PTK2: variants seen among roughly 807,000 people sequenced by gnomAD.
PTK2 encodes the protein protein tyrosine kinase 2, also known as focal adhesion kinase 1.
In PTK2, 45 loss-of-function variants were observed where a neutral mutation model predicts 150.1. That is an observed-to-expected ratio of 0.30 (90% CI 0.24 to 0.38). PTK2 has a LOEUF of 0.38. PTK2 is among the 10% of genes least tolerant of loss of function. PTK2 has a pLI of 1.00. For missense variants in PTK2, 919 were observed against 1,307.3 expected (o/e 0.70, Z 4.58); for synonymous variants, 432 against 449.2 (o/e 0.96, Z 0.48).
intron 7 of PTK2, chr8:140,833,000 C>T: frequency 1.9e-6 from 1 of 518,970 alleles, no homozygotes; most frequent in Non-Finnish European, 3.8e-6. Flanking sequence ...CTATTTTTCT[C>T]AGAGCCAGGC....
At chr8:140,661,051 C>A (rs2079048190) in intron 31 of PTK2, among the ~76,000 whole-genome samples, 1 of 152,172 alleles carries the variant, frequency 6.6e-6, no homozygotes, top group Non-Finnish European at 1.5e-5. Context: ...GACAGCAATG[C>A]ATTCTGTCTC....
intron 22 of PTK2, among the ~76,000 whole-genome samples, chr8:140,719,792 G>A (rs1234481045): frequency 6.6e-6 from 1 of 151,014 alleles, no homozygotes; most frequent in Non-Finnish European, 1.5e-5. Context: ...GGGATGCTGA[G>A]GTGGGATCGC....
chr8:140,791,563 G>A (rs1181351790), intron 13 of PTK2, among the ~76,000 whole-genome samples: 1 of 152,174 alleles, frequency 6.6e-6, no homozygotes, highest in Non-Finnish European at 1.5e-5. Context: ...AACTTGCCAG[G>A]TTGGCTGGGG....
intron 28 of PTK2, among the ~76,000 whole-genome samples, chr8:140,674,766 G>C (rs1267194751): frequency 6.6e-6 from 1 of 151,738 alleles, no homozygotes; most frequent in African/African-American, 2.4e-5. Context: ...GAGAAAGAAG[G>C]CTGAGCACAG....
chr8:140,967,212 C>T (rs979750598), intron 1 of PTK2, among the ~76,000 whole-genome samples: 3 of 152,214 alleles, frequency 2.0e-5, no homozygotes, highest in African/African-American at 7.2e-5. Context: ...CAAAATCATG[C>T]TGCTATTCTT....
intron 8 of PTK2, among the ~76,000 whole-genome samples, chr8:140,826,806 T>C (rs1478191706): frequency 1.3e-5 from 2 of 152,068 alleles, no homozygotes; most frequent in Non-Finnish European, 2.9e-5. Flanking sequence ...TAATCCCAGC[T>C]ACTCAGGTGG....
At chr8:140,959,765 G>A (rs1306914126) in intron 1 of PTK2, among the ~76,000 whole-genome samples, 1 of 152,010 alleles carries the variant, frequency 6.6e-6, no homozygotes, top group African/African-American at 2.4e-5. Flanking sequence ...GGCCAAGGTT[G>A]GAGGACAGCC....
At chr8:140,727,734 T>C (rs1349561417) in intron 22 of PTK2, among the ~76,000 whole-genome samples, 5 of 152,178 alleles carry the variant, frequency 3.3e-5, no homozygotes, top group Non-Finnish European at 7.3e-5. Flanking sequence ...AATTCATATC[T>C]CTATAATACA....
Position 140,712,859 on chromosome 8 carries a change from A to G in PTK2, c.2142+4739T>C, listed in dbSNP as rs116019189. 6.4e-3 allele frequency among the ~76,000 whole-genome samples: 978 copies of G among 152,332 alleles called. 6 individuals carry two copies. Among genetic ancestry groups the G allele is most frequent in the African/African-American group, 0.023 (936 of 41,566 alleles). The stretch of plus-strand genomic sequence containing the variant: ...CTCGAATTTTATACCGGTAACAAAC[A>G]GTTGTTTTCTTCAAAGTCACAGCCT... On this transcript the variant is annotated intron_variant, in intron 23 of 31. Transcript: ENST00000522684.
At chr8:140,883,454 A>C (rs1258288949) in intron 3 of PTK2, among the ~76,000 whole-genome samples, 5 of 152,206 alleles carry the variant, frequency 3.3e-5, no homozygotes, top group Admixed American at 6.5e-5. Context: ...AGCAACACAC[A>C]TTGTTGACAC....
At chr8:140,766,665 T>G (rs1193097550) in intron 14 of PTK2, among the ~76,000 whole-genome samples, 1 of 152,126 alleles carries the variant, frequency 6.6e-6, no homozygotes, top group East Asian at 1.9e-4. Context: ...AAAGAATGAA[T>G]GCACTGCAAC....
chr8:140,830,815 C>G (rs1014185305), intron 7 of PTK2, among the ~76,000 whole-genome samples: 7 of 152,068 alleles, frequency 4.6e-5, no homozygotes, highest in Admixed American at 1.3e-4. Flanking sequence ...AATATTCCCT[C>G]TTTGTAAATT....
In PTK2 at chr8:140,706,326, TA is replaced by T. The variant is rs138822425; in HGVS notation, c.2143-122del. On this transcript the variant is annotated intron_variant, in intron 23 of 31. Coordinates refer to ENST00000522684, the Ensembl canonical transcript of PTK2. The stretch of plus-strand genomic sequence containing the variant: ...CTTGAAAAGAATGATAAAAAGATGC[TA>T]AGACATTTCAATAGGGAAAGAACAG... The T allele has an allele frequency of 2.1e-3, 1,450 of 704,212 alleles. 28 individuals carry two copies. The East Asian group carries it at 0.034, about 17-fold the overall frequency. 43.6% of individuals were successfully genotyped at this position (704,212 alleles called of 1,614,324 possible).
At chr8:140,767,953 A>C (rs1196853598) in intron 14 of PTK2, among the ~76,000 whole-genome samples, 1 of 152,194 alleles carries the variant, frequency 6.6e-6, no homozygotes, top group African/African-American at 2.4e-5. Context: ...TAGTTTAAGG[A>C]AAACAGAAAA....
chr8:140,759,368 TA>T (rs1008006608), intron 16 of PTK2, among the ~76,000 whole-genome samples: 1 of 150,700 alleles, frequency 6.6e-6, no homozygotes. Context: ...ACCCTGTCTC[TA>T]AAAAAAATAA....
At chr8:140,976,036 G>A (rs2100189154) in intron 1 of PTK2, among the ~76,000 whole-genome samples, 1 of 152,160 alleles carries the variant, frequency 6.6e-6, no homozygotes, top group Admixed American at 6.5e-5. Context: ...CCTTACATTT[G>A]TATACCACTC....
chr8:140,956,004 CA>C (rs970061667), intron 1 of PTK2, among the ~76,000 whole-genome samples: 1 of 152,220 alleles, frequency 6.6e-6, no homozygotes, highest in African/African-American at 2.4e-5. Flanking sequence ...CCCAACTGTA[CA>C]AAACAGAGGT....
intron 1 of PTK2, among the ~76,000 whole-genome samples, chr8:140,976,473 G>C (rs1039158388): frequency 6.6e-6 from 1 of 152,202 alleles, no homozygotes; most frequent in Admixed American, 6.5e-5. Context: ...TTTTCCTTAA[G>C]AATCAGTCCT....
At chr8:140,877,595 C>T in intron 4 of PTK2, among the ~76,000 whole-genome samples, 1 of 152,020 alleles carries the variant, frequency 6.6e-6, no homozygotes, top group East Asian at 1.9e-4. Flanking sequence ...CTGGTGTAAG[C>T]AGCATACAGA....
Sources: gnomAD v4.1 joint callset for allele counts (sites outside exome capture counted in the v4.1 genomes callset) on GRCh38, gnomAD v4.1.1 for gene constraint, MANE v1.5 for transcripts, NCBI Gene and HGNC (gene_info 2026-07-23, HGNC 2026-07-21) for gene names.